MRPS6: variants seen among roughly 807,000 people sequenced by gnomAD.
MRPS6 encodes the protein mitochondrial ribosomal protein S6.
Under a neutral mutation model 13.1 loss-of-function variants are expected in MRPS6, and 6 were observed. That is an observed-to-expected ratio of 0.46 (90% CI 0.25 to 0.91). The LOEUF (loss-of-function observed/expected upper bound fraction) is 0.91, where lower values mean the gene tolerates loss of function less well. MRPS6 is among the 40% of genes least tolerant of loss of function. The pLI is 0.18. For synonymous variants in MRPS6, 61 were observed against 56.5 expected, an observed-to-expected ratio of 1.08 and a Z score of -0.36; for missense variants, 164 against 155.6, an observed-to-expected ratio of 1.05 and a Z score of -0.29.
chr21:34,090,792 A>G (rs556911163), intron 1 of MRPS6, among the ~76,000 whole-genome samples: 7 of 152,252 alleles, frequency 4.6e-5, no homozygotes, highest in African/African-American at 1.4e-4. Context: ...GCTCATAGAG[A>G]TGAAGTTGTT....
Position 34,131,500 on chromosome 21 carries a change from A to T in MRPS6, c.185+6020A>T, listed in dbSNP as rs933551170. 6.6e-5 allele frequency among the ~76,000 whole-genome samples: 10 copies of T among 152,276 alleles called. No individual in the cohort carries two copies. The South Asian group carries it at 8.3e-4, about 13-fold the overall frequency. ...GAATGGTTTCTCCATGGCAACCTTC[A>T]TGAGGATGCAGGGAGCGGGCATCAA... On this transcript the variant is annotated intron_variant, in intron 2 of 2. Transcript: ENST00000399312.
At chr21:34,131,397 G>A (rs1314076278) in intron 2 of MRPS6, among the ~76,000 whole-genome samples, 1 of 152,194 alleles carries the variant, frequency 6.6e-6, no homozygotes, top group East Asian at 1.9e-4. Context: ...AGTTGGGGCA[G>A]AGGGCTCTAA....
chr21:34,132,978 G>A (rs62212134), intron 2 of MRPS6, among the ~76,000 whole-genome samples: 21 of 152,248 alleles, frequency 1.4e-4, no homozygotes, highest in African/African-American at 4.8e-4. Flanking sequence ...AGGAGGCAAC[G>A]TGTAGGAAAC....
chr21:34,129,060 C>T (rs931535333), intron 2 of MRPS6, among the ~76,000 whole-genome samples: 7 of 152,124 alleles, frequency 4.6e-5, no homozygotes, highest in Admixed American at 6.5e-5. Flanking sequence ...CTCTGCGGGA[C>T]AGACAAGGTG....
chr21:34,092,658 A>G (rs897536766), intron 1 of MRPS6, among the ~76,000 whole-genome samples: 2 of 152,232 alleles, frequency 1.3e-5, no homozygotes, highest in African/African-American at 4.8e-5. Flanking sequence ...TACTGATAGT[A>G]ACAGTGCTTC....
intron 1 of MRPS6, chr21:34,099,055 G>C (rs1979108434): frequency 1.0e-6 from 1 of 998,288 alleles, no homozygotes; most frequent in Admixed American, 6.1e-5. Flanking sequence ...TTAGTCCAAA[G>C]TTAATTTTAG....
intron 1 of MRPS6, among the ~76,000 whole-genome samples, chr21:34,078,349 G>A (rs1325364261): frequency 6.6e-6 from 1 of 152,138 alleles, no homozygotes; most frequent in Non-Finnish European, 1.5e-5. Context: ...TATTGAAGAA[G>A]GAAGGAGTCC....
In MRPS6 at chr21:34,096,494, G is replaced by C; in HGVS notation, c.45+22749G>C. The C allele has an allele frequency of 6.2e-7, 1 of 1,614,198 alleles. No homozygotes were observed. The highest frequency in any genetic ancestry group is 8.5e-7 in the Non-Finnish European group (1 of 1,180,036). ...CATGGGTGCCAATCATCGTGGAGAT[G>C]CAAGGAGGCCAGATGTACCTTTACA... On this transcript the variant is annotated intron_variant, in intron 1 of 2. Coordinates refer to ENST00000399312, the MANE Select transcript of MRPS6 (RefSeq NM_032476.4). This position sits in a 1 kb window ranked among gnomAD's most constrained non-coding sequence, Gnocchi z 5.9.
intron 1 of MRPS6, among the ~76,000 whole-genome samples, chr21:34,106,441 A>G (rs1399408946): frequency 6.6e-6 from 1 of 152,176 alleles, no homozygotes; most frequent in Non-Finnish European, 1.5e-5. Context: ...ACTCACAGGT[A>G]TTGACTGAGA....
intron 1 of MRPS6, chr21:34,104,748 A>G: frequency 1.0e-6 from 1 of 1,000,312 alleles, no homozygotes; most frequent in African/African-American, 1.7e-5. Context: ...AGTTTGAGGA[A>G]CACCCTTGGC....
chr21:34,099,597 T>G (rs1176697261), intron 1 of MRPS6: 1 of 999,450 alleles, frequency 1.0e-6, no homozygotes, highest in Non-Finnish European at 1.2e-6. Flanking sequence ...ATAGGAGGTG[T>G]TTGTGATTTT....
intron 1 of MRPS6, among the ~76,000 whole-genome samples, chr21:34,076,480 A>G (rs1375685331): frequency 1.3e-5 from 2 of 152,210 alleles, no homozygotes; most frequent in Non-Finnish European, 2.9e-5. Context: ...TCACCCAGAA[A>G]TTCCAATACT....
intron 2 of MRPS6, among the ~76,000 whole-genome samples, chr21:34,140,399 TG>T (rs1163967951): frequency 6.6e-6 from 1 of 152,254 alleles, no homozygotes; most frequent in Non-Finnish European, 1.5e-5. Context: ...TTTAGATATC[TG>T]TTTAGTTTCC....
At chr21:34,087,823 A>G (rs1365620417) in intron 1 of MRPS6, among the ~76,000 whole-genome samples, 1 of 152,222 alleles carries the variant, frequency 6.6e-6, no homozygotes, top group African/African-American at 2.4e-5. Context: ...TGGAATGGTG[A>G]TTTGAACTAA....
intron 1 of MRPS6, among the ~76,000 whole-genome samples, chr21:34,076,861 G>T (rs1451968191): frequency 6.6e-6 from 1 of 152,206 alleles, no homozygotes; most frequent in Non-Finnish European, 1.5e-5. Context: ...ACCCATATCA[G>T]ATAGCATCAA....
At chr21:34,111,517 ACAT>A (rs1602947826) in intron 1 of MRPS6, among the ~76,000 whole-genome samples, 2 of 152,236 alleles carry the variant, frequency 1.3e-5, no homozygotes, top group East Asian at 3.8e-4. Flanking sequence ...TCAAAATCAG[ACAT>A]CATGTTCTTC....
chr21:34,099,511 C>T (rs553690660), intron 1 of MRPS6: 3 of 998,888 alleles, frequency 3.0e-6, no homozygotes, highest in African/African-American at 3.5e-5. Context: ...TTTCTTTGAA[C>T]CACATTACTG....
chr21:34,132,562 T>C, intron 2 of MRPS6, among the ~76,000 whole-genome samples: 1 of 152,160 alleles, frequency 6.6e-6, no homozygotes, highest in Non-Finnish European at 1.5e-5. Flanking sequence ...AGTGTTAGGA[T>C]TTCCAGGTCT....
At chr21:34,109,449 A>G (rs1317206330) in intron 1 of MRPS6, among the ~76,000 whole-genome samples, 10 of 152,198 alleles carry the variant, frequency 6.6e-5, no homozygotes, top group Non-Finnish European at 1.0e-4. Context: ...CATGACTGTG[A>G]GAGCCAAGTG....
Sources: gnomAD v4.1 joint callset for allele counts (sites outside exome capture counted in the v4.1 genomes callset) on GRCh38, gnomAD v4.1.1 for gene constraint, Gnocchi (gnomAD v3.1) non-coding constraint, MANE v1.5 for transcripts, NCBI Gene and HGNC (gene_info 2026-07-23, HGNC 2026-07-21) for gene names.